Variants in CNTNAP2 observed in about 807,000 individuals in gnomAD.
CNTNAP2 encodes the protein contactin associated protein 2.
Under a neutral mutation model 155.2 loss-of-function variants are expected in CNTNAP2, and 98 were observed. That is an observed-to-expected ratio of 0.63 (90% CI 0.54 to 0.75). CNTNAP2 has a LOEUF of 0.75. Among genes scored for constraint, CNTNAP2 ranks in the 30% least tolerant of loss-of-function variants. The probability of loss-of-function intolerance (pLI) is 0.00; values close to 1 mark genes in which losing one functional copy is unlikely to be tolerated. For synonymous variants in CNTNAP2, 651 were observed against 631.2 expected, an observed-to-expected ratio of 1.03 and a Z score of -0.47; for missense variants, 1,727 against 1,688.1, an observed-to-expected ratio of 1.02 and a Z score of -0.40.
rs573476674 is a variant in CNTNAP2, at chr7:146,364,024, A to C, written c.97+247051A>C. On this transcript the variant is annotated intron_variant, in intron 1 of 23. Coordinates refer to ENST00000361727, the MANE Select transcript of CNTNAP2 (RefSeq NM_014141.6). ...ATACAAGAGAAAAAAAGTTGCTTGC[A>C]GGGTTGATAAAGGATGGAAAAGGGC... 2.6e-5 allele frequency among the ~76,000 whole-genome samples: 4 copies of C among 152,288 alleles called. No individual in the cohort carries two copies. The South Asian group carries it at 8.3e-4, about 32-fold the overall frequency.
intron 1 of CNTNAP2, among the ~76,000 whole-genome samples, chr7:146,206,223 G>T (rs1798944532): frequency 1.3e-5 from 2 of 151,620 alleles, no homozygotes; most frequent in Admixed American, 6.6e-5. Flanking sequence ...AATTTTTAGT[G>T]GGAAAATCCA....
chr7:147,369,519 C>T (rs181594790), intron 9 of CNTNAP2, among the ~76,000 whole-genome samples: 4 of 152,294 alleles, frequency 2.6e-5, no homozygotes, highest in Admixed American at 6.5e-5. Context: ...TTTTCTTTCT[C>T]GCTCCCTTAC....
intron 21 of CNTNAP2, among the ~76,000 whole-genome samples, chr7:148,365,582 T>C (rs1798722121): frequency 6.6e-6 from 1 of 152,002 alleles, no homozygotes; most frequent in African/African-American, 2.4e-5. Flanking sequence ...GGAGAATCAC[T>C]TGAACCTGGG....
intron 1 of CNTNAP2, among the ~76,000 whole-genome samples, chr7:146,692,899 C>T: frequency 6.6e-6 from 1 of 152,012 alleles, no homozygotes; most frequent in East Asian, 1.9e-4. Context: ...TTTTTCCCTG[C>T]AGTTCGTCAG....
chr7:146,612,289 C>A (rs1472937031), intron 1 of CNTNAP2, among the ~76,000 whole-genome samples: 2 of 151,994 alleles, frequency 1.3e-5, no homozygotes, highest in Non-Finnish European at 2.9e-5. Context: ...TTTCTTGTTC[C>A]ATGCAATATG....
intron 13 of CNTNAP2, among the ~76,000 whole-genome samples, chr7:147,641,004 G>T (rs766018219): frequency 2.0e-5 from 3 of 152,170 alleles, no homozygotes; most frequent in Non-Finnish European, 4.4e-5. Context: ...GGAGATATGT[G>T]GGGGCGGCCA....
intron 15 of CNTNAP2, among the ~76,000 whole-genome samples, chr7:148,107,684 C>A (rs1804252754): frequency 6.6e-6 from 1 of 152,136 alleles, no homozygotes; most frequent in South Asian, 2.1e-4. Flanking sequence ...GCAAATGAAG[C>A]CATCTGGTTG....
chr7:148,207,609 C>T (rs1206721521), intron 18 of CNTNAP2, among the ~76,000 whole-genome samples: 1 of 152,118 alleles, frequency 6.6e-6, no homozygotes, highest in Admixed American at 6.5e-5. Context: ...ACATACTTTC[C>T]CGAAAATGTC....
chr7:148,054,720 T>G (rs925449193), intron 15 of CNTNAP2, among the ~76,000 whole-genome samples: 1 of 152,028 alleles, frequency 6.6e-6, no homozygotes, highest in African/African-American at 2.4e-5. Context: ...GGGAAACTTT[T>G]AAAATGAAGT....
At chr7:148,253,783 C>A (rs1016269041) in intron 20 of CNTNAP2, among the ~76,000 whole-genome samples, 1 of 152,132 alleles carries the variant, frequency 6.6e-6, no homozygotes, top group East Asian at 1.9e-4. Flanking sequence ...GCAGACATCC[C>A]CAGCTGACAT....
intron 1 of CNTNAP2, among the ~76,000 whole-genome samples, chr7:146,365,013 A>G (rs990604963): frequency 1.3e-5 from 2 of 152,204 alleles, no homozygotes; most frequent in African/African-American, 4.8e-5. Context: ...TCCCAGGAGA[A>G]CTTTTAAATT....
intron 1 of CNTNAP2, among the ~76,000 whole-genome samples, chr7:146,475,023 A>G (rs1387847782): frequency 1.3e-5 from 2 of 151,186 alleles, no homozygotes; most frequent in African/African-American, 2.4e-5. Context: ...GCACACACAC[A>G]CACACACACA....
At chr7:146,907,920 G>C (rs961082338) in intron 3 of CNTNAP2, among the ~76,000 whole-genome samples, 2 of 152,142 alleles carry the variant, frequency 1.3e-5, no homozygotes, top group African/African-American at 4.8e-5. Context: ...CACATGCAGA[G>C]ACACACATAG....
chr7:146,281,198 C>T, intron 1 of CNTNAP2, among the ~76,000 whole-genome samples: 1 of 152,112 alleles, frequency 6.6e-6, no homozygotes, highest in East Asian at 1.9e-4. Flanking sequence ...AAAACGAGTA[C>T]ATTCCAATGA....
chr7:147,682,212 G>A (rs746970463), intron 13 of CNTNAP2, among the ~76,000 whole-genome samples: 22 of 151,904 alleles, frequency 1.4e-4, no homozygotes, highest in Admixed American at 9.2e-4. Flanking sequence ...AAGGATTACC[G>A]TGATGAATTT....
At chr7:146,360,301 A>C (rs1795064060) in intron 1 of CNTNAP2, among the ~76,000 whole-genome samples, 3 of 152,230 alleles carry the variant, frequency 2.0e-5, no homozygotes, top group Admixed American at 2.0e-4. Context: ...TCATGATATC[A>C]GTTCTACATC....
At chr7:147,863,470 G>T (rs1260044087) in intron 13 of CNTNAP2, among the ~76,000 whole-genome samples, 1 of 152,100 alleles carries the variant, frequency 6.6e-6, no homozygotes, top group Non-Finnish European at 1.5e-5. Flanking sequence ...GGGTTAAATG[G>T]TATTTCTAGT....
chr7:148,064,750 A>G (rs956659493), intron 15 of CNTNAP2, among the ~76,000 whole-genome samples: 1 of 151,534 alleles, frequency 6.6e-6, no homozygotes, highest in Non-Finnish European at 1.5e-5. Context: ...GGAAAACTAC[A>G]AAACACTACT....
At chr7:147,336,013 T>C (rs571199604) in intron 9 of CNTNAP2, among the ~76,000 whole-genome samples, 1 of 152,260 alleles carries the variant, frequency 6.6e-6, no homozygotes, top group African/African-American at 2.4e-5. Context: ...GCAGAGAGAA[T>C]CTGACTGTGT....
Sources: allele counts gnomAD v4.1 joint callset (sites outside exome capture counted in the v4.1 genomes callset), GRCh38; gene constraint gnomAD v4.1.1; transcripts MANE v1.5; gene names NCBI Gene and HGNC (gene_info 2026-07-23, HGNC 2026-07-21).